Variants in CAMKMT observed in about 807,000 individuals in gnomAD.
CAMKMT encodes CaM KMT.
Under a neutral mutation model 48.0 loss-of-function variants are expected in CAMKMT, and 53 were observed. The ratio of observed to expected loss-of-function variants is 1.10; its 90% CI spans 0.89 to 1.39. The LOEUF is 1.39. Ranked by LOEUF, CAMKMT falls within the 40% of genes most tolerant of loss-of-function variation. CAMKMT has a pLI of 0.00. For synonymous variants in CAMKMT, 165 were observed against 152.3 expected (o/e 1.08, Z -0.61); for missense variants, 428 against 402.7 (o/e 1.06, Z -0.54).
intron 3 of CAMKMT, among the ~76,000 whole-genome samples, chr2:44,651,543 C>G (rs551030030): frequency 9.2e-5 from 14 of 152,280 alleles, no homozygotes; most frequent in African/African-American, 2.9e-4. Context: ...AAAAGGCACT[C>G]TAGCCTGGGT....
intron 3 of CAMKMT, among the ~76,000 whole-genome samples, chr2:44,540,334 C>T (rs1307056653): frequency 2.0e-5 from 3 of 152,104 alleles, no homozygotes; most frequent in Non-Finnish European, 4.4e-5. Context: ...TCTTTGTGTA[C>T]TTTTTAACTT....
chr2:44,571,533 T>TA (rs1218052416), intron 3 of CAMKMT, among the ~76,000 whole-genome samples: 2 of 152,230 alleles, frequency 1.3e-5, no homozygotes, highest in Non-Finnish European at 2.9e-5. Flanking sequence ...AGCAATCCTG[T>TA]GTATTCTCTT....
intron 8 of CAMKMT, among the ~76,000 whole-genome samples, chr2:44,749,568 A>C (rs1258944950): frequency 6.6e-6 from 1 of 152,210 alleles, no homozygotes; most frequent in Non-Finnish European, 1.5e-5. Flanking sequence ...ATTTGCCCTT[A>C]GTATATAGTA....
chr2:44,771,595 A>C (rs1000998759), intron 10 of CAMKMT, among the ~76,000 whole-genome samples: 1 of 152,184 alleles, frequency 6.6e-6, no homozygotes, highest in Non-Finnish European at 1.5e-5. Flanking sequence ...GGGCCCCACA[A>C]GCCTTTCCCT....
chr2:44,450,493 G>T (rs1312525780), intron 3 of CAMKMT, among the ~76,000 whole-genome samples: 2 of 152,098 alleles, frequency 1.3e-5, no homozygotes, highest in African/African-American at 4.8e-5. Flanking sequence ...CTTAAAAGGG[G>T]TTATGAAGCA....
chr2:44,538,360 G>A (rs1194756224), intron 3 of CAMKMT, among the ~76,000 whole-genome samples: 3 of 140,438 alleles, frequency 2.1e-5, no homozygotes, highest in South Asian at 2.3e-4. Context: ...AGAGCGAGAC[G>A]CCATCTCAAA....
At chr2:44,410,695 G>A (rs976878367) in intron 3 of CAMKMT, among the ~76,000 whole-genome samples, 2 of 152,020 alleles carry the variant, frequency 1.3e-5, no homozygotes, top group African/African-American at 2.4e-5. Context: ...GCTAAAAGAC[G>A]GATATAGTAA....
At chr2:44,404,043 A>T (rs1390428430) in intron 3 of CAMKMT, among the ~76,000 whole-genome samples, 1 of 152,200 alleles carries the variant, frequency 6.6e-6, no homozygotes, top group Admixed American at 6.5e-5. Flanking sequence ...CCATTAAAAC[A>T]TATCACATTG....
chr2:44,627,995 G>A (rs1283779338), intron 3 of CAMKMT, among the ~76,000 whole-genome samples: 2 of 151,944 alleles, frequency 1.3e-5, no homozygotes, highest in African/African-American at 2.4e-5. Flanking sequence ...GAGCCACCAT[G>A]CCTAGCCCCT....
At chr2:44,743,082 C>T (rs578006105) in intron 7 of CAMKMT, among the ~76,000 whole-genome samples, 4 of 152,302 alleles carry the variant, frequency 2.6e-5, no homozygotes, top group Non-Finnish European at 4.4e-5. Flanking sequence ...CTTTGGGAGA[C>T]TAAGTGTCAG....
chr2:44,522,385 G>A (rs1671165371), intron 3 of CAMKMT, among the ~76,000 whole-genome samples: 1 of 152,004 alleles, frequency 6.6e-6, no homozygotes, highest in African/African-American at 2.4e-5. Context: ...GGTTTACTGT[G>A]TATGTTACAA....
intron 7 of CAMKMT, among the ~76,000 whole-genome samples, chr2:44,718,425 C>T (rs1355942788): frequency 3.9e-5 from 6 of 152,152 alleles, no homozygotes; most frequent in Non-Finnish European, 1.5e-5. Context: ...TGCAGCCATC[C>T]ATTCACTTAA....
chr2:44,379,920 G>T (rs771492966), intron 2 of CAMKMT, among the ~76,000 whole-genome samples: 5 of 151,958 alleles, frequency 3.3e-5, no homozygotes, highest in South Asian at 4.2e-4. Context: ...CTCCTAGCCT[G>T]TGCATTTTCT....
chr2:44,565,284 AT>A (rs1195737234), intron 3 of CAMKMT, among the ~76,000 whole-genome samples: 16 of 152,228 alleles, frequency 1.1e-4, no homozygotes, highest in African/African-American at 3.6e-4. Context: ...CATTAAAAAA[AT>A]AATAAAGTAG....
At chr2:44,457,105 A>C (rs913450850) in intron 3 of CAMKMT, 1 of 152,276 alleles carries the variant, frequency 6.6e-6, no homozygotes, top group Admixed American at 6.5e-5. Context: ...TGGCCTCAAG[A>C]GTATAAACTG....
intron 3 of CAMKMT, chr2:44,456,451 A>T: frequency 7.6e-7 from 1 of 1,315,764 alleles, no homozygotes; most frequent in Non-Finnish European, 1.0e-6. Flanking sequence ...TATTTCTCAG[A>T]ATTATTATAT....
chr2:44,586,900 G>T (rs534047134), intron 3 of CAMKMT, among the ~76,000 whole-genome samples: 149 of 152,326 alleles, frequency 9.8e-4, no homozygotes, highest in African/African-American at 3.5e-3. Flanking sequence ...GTTTTCCAGA[G>T]GGGTGGTTCT....
intron 3 of CAMKMT, among the ~76,000 whole-genome samples, chr2:44,591,287 G>A (rs1038631802): frequency 1.4e-4 from 21 of 152,136 alleles, no homozygotes; most frequent in African/African-American, 4.8e-4. Flanking sequence ...CCAATTCTGT[G>A]AAGAAAGTCA....
At chr2:44,435,670 A>G (rs143645469) in intron 3 of CAMKMT, among the ~76,000 whole-genome samples, 11 of 152,210 alleles carry the variant, frequency 7.2e-5, no homozygotes, top group South Asian at 2.1e-4. Context: ...CATGGCTATT[A>G]TTTGGTATGT....
Sources: allele counts gnomAD v4.1 joint callset (sites outside exome capture counted in the v4.1 genomes callset), GRCh38; gene constraint gnomAD v4.1.1; transcripts MANE v1.5; gene names NCBI Gene and HGNC (gene_info 2026-07-23, HGNC 2026-07-21).